The following COL14A1 variants were observed in gnomAD, a reference collection of about 807,000 sequenced individuals.
The protein encoded by COL14A1 is collagen alpha-1(XIV) chain.
In COL14A1, 136 loss-of-function variants were observed where a neutral mutation model predicts 230.3. The observed-to-expected ratio is 0.59, with a 90% confidence interval of 0.51 to 0.68. The LOEUF (loss-of-function observed/expected upper bound fraction) is 0.68, where lower values mean the gene tolerates loss of function less well. Among genes scored for constraint, COL14A1 ranks in the 30% least tolerant of loss-of-function variants. The probability of loss-of-function intolerance (pLI) is 0.00; values close to 1 mark genes in which losing one functional copy is unlikely to be tolerated. For missense variants in COL14A1, 1,976 were observed against 2,215.8 expected (o/e 0.89, Z 2.17); for synonymous variants, 792 against 784.1 (o/e 1.01, Z -0.17).
intron 33 of COL14A1, among the ~76,000 whole-genome samples, chr8:120,288,881 T>C (rs763357279): frequency 6.6e-6 from 1 of 152,228 alleles, no homozygotes; most frequent in Non-Finnish European, 1.5e-5. Context: ...ACAATGCATA[T>C]ATAAGCACTG....
intron 22 of COL14A1, among the ~76,000 whole-genome samples, chr8:120,253,562 ATAAAT>A (rs1819043943): frequency 6.6e-6 from 1 of 152,234 alleles, no homozygotes; most frequent in African/African-American, 2.4e-5. Context: ...ACAATGGCAA[ATAAAT>A]TAATATAAGG....
At chr8:120,127,699 A>G (rs1299106543) in intron 1 of COL14A1, among the ~76,000 whole-genome samples, 1 of 152,254 alleles carries the variant, frequency 6.6e-6, no homozygotes, top group African/African-American at 2.4e-5. Flanking sequence ...AGTGTCACAC[A>G]GTAAAACACA....
At chr8:120,133,546 T>TAAC (rs2130392144) in intron 1 of COL14A1, among the ~76,000 whole-genome samples, 1 of 152,306 alleles carries the variant, frequency 6.6e-6, no homozygotes, top group East Asian at 1.9e-4. Context: ...GAGGATATTC[T>TAAC]TCATAACTAC....
At position 120,217,188 on chromosome 8, in the gene COL14A1, C is replaced by T. The variant is rs141933808; in HGVS notation, c.1737+698C>T. ...GTATTAAAAATAATGTCACTGTTGT[C>T]TAGTTTATCCTGCTTTTGAGTAAAC... On this transcript the variant is annotated intron_variant, in intron 14 of 47. Coordinates refer to ENST00000297848, the MANE Select transcript of COL14A1 (RefSeq NM_021110.4). 4.6e-3 allele frequency among the ~76,000 whole-genome samples: 705 copies of T among 152,254 alleles called. 8 individuals carry two copies. Among genetic ancestry groups the T allele is most frequent in the African/African-American group, 0.016 (669 of 41,552 alleles).
At chr8:120,250,467 T>C (rs1043192343) in intron 21 of COL14A1, 150 bp from the exon 22 acceptor site, 8 of 781,986 alleles carry the variant, frequency 1.0e-5, no homozygotes, top group Non-Finnish European at 1.7e-5. Context: ...TAGAGCTAGA[T>C]GAGACCAGAT....
At chr8:120,201,384 G>A (rs1817243771) in intron 8 of COL14A1, among the ~76,000 whole-genome samples, 1 of 152,106 alleles carries the variant, frequency 6.6e-6, no homozygotes, top group African/African-American at 2.4e-5. Context: ...CTTTTCCCAA[G>A]TCTGCATCCT....
chr8:120,286,800 C>A (rs116617662), intron 33 of COL14A1, among the ~76,000 whole-genome samples: 10 of 152,176 alleles, frequency 6.6e-5, no homozygotes, highest in African/African-American at 2.4e-4. Flanking sequence ...TGAGCCACCG[C>A]GCCTGGCCAC....
At chr8:120,342,478 C>A in intron 44 of COL14A1, 32 bp downstream of exon 44, 1 of 1,595,250 alleles carries the variant, frequency 6.3e-7, no homozygotes, top group South Asian at 1.1e-5. Context: ...AGGATGTTCC[C>A]CATAACAAAC....
chr8:120,222,285 T>C (rs1039104802), intron 14 of COL14A1, among the ~76,000 whole-genome samples: 6 of 152,230 alleles, frequency 3.9e-5, no homozygotes, highest in African/African-American at 1.4e-4. Context: ...CCTATAATGT[T>C]ATCAATCCCT....
At chr8:120,247,003 C>A (rs997967153) in intron 20 of COL14A1, among the ~76,000 whole-genome samples, 4 of 152,278 alleles carry the variant, frequency 2.6e-5, no homozygotes, top group African/African-American at 9.6e-5. Flanking sequence ...ACAGACATTT[C>A]TAATAAACAC....
chr8:120,202,989 A>AATATATATATAT (rs201356550), intron 8 of COL14A1, among the ~76,000 whole-genome samples: 3,967 of 105,938 alleles, frequency 0.037, 168 homozygotes, highest in South Asian at 0.061. Flanking sequence ...AATAATTTCA[A>AATATATATATAT]ATATATATAT....
chr8:120,181,961 C>A (rs1016872819), intron 5 of COL14A1, among the ~76,000 whole-genome samples: 2 of 152,054 alleles, frequency 1.3e-5, no homozygotes, highest in African/African-American at 4.8e-5. Context: ...CGTCACCCCC[C>A]TCCCCGAAAA....
intron 18 of COL14A1, among the ~76,000 whole-genome samples, chr8:120,229,448 G>T (rs200193485): frequency 5.3e-5 from 8 of 151,876 alleles, no homozygotes; most frequent in Admixed American, 2.0e-4. Flanking sequence ...AACTCATCAT[G>T]TTTTATGGCT....
chr8:120,182,345 A>C (rs947666643), intron 5 of COL14A1, among the ~76,000 whole-genome samples: 1 of 152,098 alleles, frequency 6.6e-6, no homozygotes, highest in African/African-American at 2.4e-5. Context: ...TTTTCTATTG[A>C]GTATCTTGTC....
chr8:120,319,649 A>T (rs1457735123), intron 40 of COL14A1, among the ~76,000 whole-genome samples: 1 of 152,224 alleles, frequency 6.6e-6, no homozygotes, highest in Non-Finnish European at 1.5e-5. Flanking sequence ...AAAGGAGAAG[A>T]TGAAACATCT....
intron 14 of COL14A1, among the ~76,000 whole-genome samples, chr8:120,220,765 TTGA>T (rs1315539836): frequency 6.6e-6 from 1 of 152,052 alleles, no homozygotes; most frequent in Non-Finnish European, 1.5e-5. Context: ...CTGCTGCTAA[TTGA>T]TGATGATAAT....
intron 13 of COL14A1, 47 bp downstream of exon 13, chr8:120,212,624 A>G (rs1586770860): frequency 6.2e-7 from 1 of 1,606,994 alleles, no homozygotes; most frequent in Non-Finnish European, 8.5e-7. Flanking sequence ...AAAAGCCCAC[A>G]TGAATGTGGG....
In COL14A1 at chr8:120,280,566, G is replaced by C. The variant is rs1869832; in HGVS notation, c.3647-145G>C. The C allele has an allele frequency of 0.24, 190,941 of 787,086 alleles. 26,285 individuals carry two copies. The highest frequency in any genetic ancestry group is 0.58 in the East Asian group (20,977 of 35,926). The allele number at this position is 787,086 out of a possible 1,614,324, so 48.8% of individuals were successfully genotyped here. A position where few individuals can be genotyped will look rare whatever the true frequency, so the allele number is the denominator to read the frequency against. Reference sequence around the variant, plus strand: ...ACATTTCAATCTTCATGAAACCACAGAAAACCATAGTCACATTTGATTTGT... The same window carrying C: ...ACATTTCAATCTTCATGAAACCACACAAAACCATAGTCACATTTGATTTGT... On this transcript the variant is annotated intron_variant, in intron 29 of 47. Coordinates refer to ENST00000297848, the MANE Select transcript of COL14A1 (RefSeq NM_021110.4).
At chr8:120,209,965 T>A in intron 12 of COL14A1, 64 bp downstream of exon 12, 1 of 1,231,078 alleles carries the variant, frequency 8.1e-7, no homozygotes, top group Non-Finnish European at 1.0e-6. Flanking sequence ...ATAAAATTTT[T>A]ATTGTAAAAA....
Sources: allele counts gnomAD v4.1 joint callset (sites outside exome capture counted in the v4.1 genomes callset), GRCh38; gene constraint gnomAD v4.1.1; transcripts MANE v1.5; gene names NCBI Gene and HGNC (gene_info 2026-07-23, HGNC 2026-07-21).